ZBTB17: variants seen among roughly 807,000 people sequenced by gnomAD.
ZBTB17 encodes the protein zinc finger and BTB domain-containing protein 17.
A neutral mutation model predicts 85.1 loss-of-function variants in ZBTB17; 24 were observed. That is an observed-to-expected ratio of 0.28 (90% CI 0.20 to 0.40). ZBTB17 has a LOEUF of 0.40. Ranked by LOEUF, ZBTB17 falls within the 10% of genes least tolerant of loss-of-function variation. The pLI is 1.00. For missense variants in ZBTB17, 743 were observed against 1,105.1 expected, an observed-to-expected ratio of 0.67 and a Z score of 4.65; for synonymous variants, 464 against 460.2, an observed-to-expected ratio of 1.01 and a Z score of -0.11.
At chr1:15,969,586 T>TGCCTGGAGGGTGGGGGGAGCAGG in intron 2 of ZBTB17, 1 of 402,886 alleles carries the variant, frequency 2.5e-6, no homozygotes, top group South Asian at 1.9e-5. Flanking sequence ...GTGAGGCCGC[T>TGCCTGGAGGGTGGGGGGAGCAGG]GCCTGCCTGG....
At chr1:15,949,336 C>T (rs892370096) in intron 2 of ZBTB17, among the ~76,000 whole-genome samples, 1 of 152,254 alleles carries the variant, frequency 6.6e-6, no homozygotes, top group Non-Finnish European at 1.5e-5. Context: ...TAAAACAGCT[C>T]TCCCTCCCGC....
chr1:15,950,339 G>T (rs1037976619), intron 2 of ZBTB17, among the ~76,000 whole-genome samples: 3 of 152,262 alleles, frequency 2.0e-5, no homozygotes, highest in African/African-American at 7.2e-5. Flanking sequence ...TGTGGATCAA[G>T]ACCTGAAGGG....
At chr1:15,970,044 T>G (rs2072589905) in intron 2 of ZBTB17, 2 of 722,116 alleles carry the variant, frequency 2.8e-6, no homozygotes, top group East Asian at 5.6e-5. Flanking sequence ...ATGGCTGCCG[T>G]CATATTTCCA....
chr1:15,962,166 C>T (rs1049056737), intron 2 of ZBTB17, among the ~76,000 whole-genome samples: 4 of 152,166 alleles, frequency 2.6e-5, no homozygotes, highest in Admixed American at 6.5e-5. Flanking sequence ...GAGATTGTGG[C>T]ACTGCTGCTC....
chr1:15,971,562 A>G (rs1226928401), intron 2 of ZBTB17, among the ~76,000 whole-genome samples: 4 of 146,578 alleles, frequency 2.7e-5, no homozygotes, highest in Non-Finnish European at 6.0e-5. Context: ...ATATATATAC[A>G]CACACACTAT....
At chr1:15,961,714 C>T (rs2072265888) in intron 2 of ZBTB17, among the ~76,000 whole-genome samples, 2 of 152,180 alleles carry the variant, frequency 1.3e-5, no homozygotes, top group Non-Finnish European at 1.5e-5. Context: ...CTCCCACCCG[C>T]CAGCCGCTTT....
chr1:15,968,546 C>T (rs2072526473), intron 2 of ZBTB17, among the ~76,000 whole-genome samples: 1 of 152,154 alleles, frequency 6.6e-6, no homozygotes, highest in Non-Finnish European at 1.5e-5. Flanking sequence ...TCCAAACTCA[C>T]TTGGGTTGGG....
At chr1:15,956,019 C>T (rs935168147) in intron 2 of ZBTB17, among the ~76,000 whole-genome samples, 2 of 152,204 alleles carry the variant, frequency 1.3e-5, no homozygotes, top group African/African-American at 4.8e-5. Flanking sequence ...ATTCCAGCAG[C>T]CCAGGCCAGC....
chr1:15,960,537 G>C (rs528710034), intron 2 of ZBTB17, among the ~76,000 whole-genome samples: 1 of 152,262 alleles, frequency 6.6e-6, no homozygotes, highest in African/African-American at 2.4e-5. Flanking sequence ...CCTGAAAAAA[G>C]ACCAGGAAAA....
intron 2 of ZBTB17, 91 bp from the exon 3 acceptor site, chr1:15,948,588 T>C: frequency 2.3e-6 from 3 of 1,332,314 alleles, no homozygotes; most frequent in Non-Finnish European, 2.1e-6. Flanking sequence ...GCGAGCACCA[T>C]GGAGAAGACA....
chr1:15,968,640 C>T lies in ZBTB17; in HGVS notation c.-3+4399G>A, dbSNP rs552777343. On this transcript the variant is annotated intron_variant, in intron 2 of 15. Coordinates refer to ENST00000375743, the MANE Select transcript of ZBTB17 (RefSeq NM_003443.3). ...ACAGGCAGAGAGAATCCTCAAAACA[C>T]CCCTTACCAGATCTCTCAGGATATG... Among the ~76,000 whole-genome samples, 7 of 152,278 alleles carry T rather than the reference C, an allele frequency of 4.6e-5. No homozygotes were observed. In the South Asian group the frequency reaches 1.0e-3, roughly 23 times the overall value.
intron 1 of ZBTB17, 24 bp downstream of exon 1, chr1:15,975,959 C>A (rs748359801): frequency 1.4e-6 from 1 of 699,500 alleles, no homozygotes. Context: ...ACTTCCCCGG[C>A]CCCGGGCGAT....
chr1:15,945,730 C>T lies in ZBTB17; in HGVS notation c.646G>A (p.Glu216Lys), dbSNP rs764732905. Residue 216 changes from glutamate (E) to lysine (K), a missense_variant, in exon 6 of 16, where the codon GAG (glutamate) becomes AAG (lysine). This residue lies in a region of ZBTB17 where 279 missense variants were observed against 269.9 expected (regional missense o/e 1.03). Transcript: ENST00000375743. ...AAAEAEAALSESSEQEMEVEP... is the reference protein window; with the variant it reads ...AAAEAEAALSKSSEQEMEVEP... The stretch of plus-strand genomic sequence containing the variant: ...GCGGGGCTACCTTGCTCCGAGCTCT[C>T]GGACAAAGCGGCCTCAGCTTCTGCA... 6.8e-6 allele frequency: 11 copies of T among 1,606,976 alleles called. No homozygotes were observed. The East Asian group carries it at 1.8e-4, about 26-fold the overall frequency.
intron 13 of ZBTB17, 144 bp downstream of exon 13, chr1:15,942,920 C>T: frequency 5.7e-6 from 8 of 1,394,726 alleles, no homozygotes; most frequent in Non-Finnish European, 7.8e-6. Context: ...ATGGGGTCCT[C>T]ATTTGAACAG....
Position 15,943,451 on chromosome 1 carries a change from C to T in ZBTB17, c.1645G>A (p.Val549Met), listed in dbSNP as rs150689825. 1.9e-6 allele frequency: 3 copies of T among 1,610,364 alleles called. No homozygotes were observed. Among genetic ancestry groups the T allele is most frequent in the African/African-American group, 1.3e-5 (1 of 74,862 alleles). ...GGCTTCTCCCCGGTGTGCTGGCGCACGTGGGCGATGAGGGAGCTGGCCTGG... is the reference window on the plus strand; with the variant it reads ...GGCTTCTCCCCGGTGTGCTGGCGCATGTGGGCGATGAGGGAGCTGGCCTGG... Reference protein sequence around the residue: ...FTQASSLIAHVRQHTGEKPYV... With the variant: ...FTQASSLIAHMRQHTGEKPYV... Residue 549 changes from valine (V) to methionine (M), a missense_variant, in exon 12 of 16, where the codon GTG (valine) becomes ATG (methionine). Coordinates refer to ENST00000375743, the MANE Select transcript of ZBTB17 (RefSeq NM_003443.3).
intron 2 of ZBTB17, chr1:15,969,565 G>A (rs2072566302): frequency 2.6e-6 from 1 of 377,534 alleles, no homozygotes; most frequent in East Asian, 8.1e-5. Flanking sequence ...GCCGCTCATG[G>A]GGTGGGAAGT....
chr1:15,949,807 A>G (rs1298456203), intron 2 of ZBTB17, among the ~76,000 whole-genome samples: 2 of 152,190 alleles, frequency 1.3e-5, no homozygotes, highest in Non-Finnish European at 2.9e-5. Context: ...GTCGGCCTTG[A>G]AGGGCGCCAA....
At chr1:15,962,896 G>T (rs531429758) in intron 2 of ZBTB17, among the ~76,000 whole-genome samples, 1 of 152,208 alleles carries the variant, frequency 6.6e-6, no homozygotes, top group African/African-American at 2.4e-5. Context: ...AGCTTTGATT[G>T]CACCTATGAG....
intron 7 of ZBTB17, 21 bp from the exon 8 acceptor site, chr1:15,944,860 C>T (rs1339094897): frequency 2.5e-6 from 4 of 1,576,564 alleles, no homozygotes; most frequent in African/African-American, 2.7e-5. Flanking sequence ...AGCGGGGAAG[C>T]GGGGTGTGAG....
Sources: gnomAD v4.1 joint callset for allele counts (sites outside exome capture counted in the v4.1 genomes callset) on GRCh38, gnomAD v4.1.1 for gene constraint, gnomAD v4.1.1 regional missense constraint, MANE v1.5 for transcripts, NCBI Gene and HGNC (gene_info 2026-07-23, HGNC 2026-07-21) for gene names.